Variants in ZNF493 observed in about 807,000 individuals in gnomAD.
ZNF493 encodes the protein zinc finger protein 493.
A neutral mutation model predicts 12.2 loss-of-function variants in ZNF493; 11 were observed. That is an observed-to-expected ratio of 0.90 (90% confidence interval 0.57 to 1.50). The LOEUF (loss-of-function observed/expected upper bound fraction) is 1.50, where lower values mean the gene tolerates loss of function less well. Among genes scored for constraint, ZNF493 ranks in the 40% most tolerant of loss-of-function variants. ZNF493 has a pLI of 0.00. For missense variants in ZNF493, 950 were observed against 906.6 expected, an observed-to-expected ratio of 1.05 and a Z score of -0.61; for synonymous variants, 286 against 302.6, an observed-to-expected ratio of 0.95 and a Z score of 0.57.
At chr19:21,412,330 T>C (rs2030350329) in intron 3 of ZNF493, 1 of 152,276 alleles carries the variant, frequency 6.6e-6, no homozygotes, top group Non-Finnish European at 1.5e-5. Flanking sequence ...TGCTATTGTT[T>C]ATGGTTTAAG....
intron 3 of ZNF493, among the ~76,000 whole-genome samples, chr19:21,410,958 A>G (rs1368367148): frequency 6.6e-6 from 1 of 151,872 alleles, no homozygotes; most frequent in Non-Finnish European, 1.5e-5. Flanking sequence ...ATACCCAGCT[A>G]ATTTTGTATT....
chr19:21,420,507 T>G (rs866042112), intron 3 of ZNF493, among the ~76,000 whole-genome samples: 1 of 133,716 alleles, frequency 7.5e-6, no homozygotes, highest in African/African-American at 2.8e-5. Context: ...GCCAATATAC[T>G]TCTTTAGAAT....
At position 21,424,830 on chromosome 19, in the gene ZNF493, A is replaced by G. The variant is rs1436440986; in HGVS notation, c.2171A>G (p.His724Arg). 6.2e-7 allele frequency: 1 copy of G among 1,612,692 alleles called. No homozygotes were observed. Among genetic ancestry groups the G allele is most frequent in the Admixed American group, 1.7e-5 (1 of 59,840 alleles). ...GAAGAATGTGGCAAAGCTTTTAACCATTCCTCAAACCTTATTAAACATAAG... is the reference window on the plus strand; with the variant it reads ...GAAGAATGTGGCAAAGCTTTTAACCGTTCCTCAAACCTTATTAAACATAAG... ...KCEECGKAFNHSSNLIKHKLI... is the reference protein window; with the variant it reads ...KCEECGKAFNRSSNLIKHKLI... Residue 724 changes from histidine to arginine, a missense_variant, in exon 4 of 4, where the codon CAT becomes CGT. By Grantham distance (29) the His-to-Arg change is conservative. Coordinates refer to ENST00000392288, the MANE Select transcript of ZNF493 (RefSeq NM_001076678.3).
chr19:21,405,669 T>A, intron 2 of ZNF493, 92 bp from the exon 3 acceptor site: 1 of 1,148,772 alleles, frequency 8.7e-7, no homozygotes, highest in East Asian at 2.7e-5. Context: ...TTTTCTAGAA[T>A]ATTCTATTAC....
intron 3 of ZNF493, among the ~76,000 whole-genome samples, chr19:21,406,868 A>T (rs1450636977): frequency 6.6e-6 from 1 of 152,086 alleles, no homozygotes; most frequent in African/African-American, 2.4e-5. Flanking sequence ...CTGAATCTAT[A>T]GATTACTTTG....
chr19:21,412,769 G>C, intron 3 of ZNF493: 1 of 273,598 alleles, frequency 3.7e-6, no homozygotes, highest in South Asian at 3.3e-5. Context: ...TGCTTGGGAT[G>C]CTTTAAATAT....
Position 21,405,813 on chromosome 19 carries a change from T to A in ZNF493, c.210T>A (p.Asp70Glu). The A allele has an allele frequency of 6.3e-7, 1 of 1,595,798 alleles. No homozygotes were observed. Among genetic ancestry groups the A allele is most frequent in the Non-Finnish European group, 8.5e-7 (1 of 1,171,296 alleles). The change falls in exon 3 of 4, where the codon GAT becomes GAA. Residue 70 changes from aspartate (D) to glutamate (E), a missense_variant. Coordinates refer to ENST00000392288, the MANE Select transcript of ZNF493 (RefSeq NM_001076678.3). Reference protein sequence around the residue: ...DLVTCLEQGKDPWNMKGHSTV... With the variant: ...DLVTCLEQGKEPWNMKGHSTV... Reference sequence around the variant, plus strand: ...TCACCTGTCTGGAGCAAGGAAAAGATCCCTGGAATATGAAGGGACACAGTA... The same window carrying A: ...TCACCTGTCTGGAGCAAGGAAAAGAACCCTGGAATATGAAGGGACACAGTA...
intron 3 of ZNF493, among the ~76,000 whole-genome samples, chr19:21,418,875 C>T (rs1599378166): frequency 6.6e-6 from 1 of 152,084 alleles, no homozygotes; most frequent in East Asian, 1.9e-4. Flanking sequence ...GCCAGGTGTT[C>T]CTTGCCCTCA....
chr19:21,421,210 TA>T (rs2030668297), intron 3 of ZNF493, among the ~76,000 whole-genome samples: 1 of 151,754 alleles, frequency 6.6e-6, no homozygotes, highest in African/African-American at 2.4e-5. Context: ...AGGGTTTTTT[TA>T]TATTTTTTTA....
At chr19:21,406,736 G>GTT (rs557257664) in intron 3 of ZNF493, among the ~76,000 whole-genome samples, 1 of 147,940 alleles carries the variant, frequency 6.8e-6, no homozygotes, top group Non-Finnish European at 1.5e-5. Context: ...CCTCTGCTTT[G>GTT]TTTTTTTTTC....
intron 3 of ZNF493, among the ~76,000 whole-genome samples, chr19:21,406,599 CATT>C (rs1044536078): frequency 1.3e-5 from 2 of 152,012 alleles, no homozygotes; most frequent in African/African-American, 4.8e-5. Flanking sequence ...TTTTTTGCAT[CATT>C]TCTAAAATGT....
In ZNF493 at chr19:21,424,887, G is replaced by A. The variant is rs1458129232; in HGVS notation, c.2228G>A (p.Cys743Tyr). The change falls in exon 4 of 4, where the codon TGT (cysteine) becomes TAT (tyrosine). Residue 743 changes from cysteine to tyrosine, a missense_variant. By Grantham distance (194) the Cys-to-Tyr change is radical (BLOSUM62 -2). Coordinates refer to ENST00000392288, the MANE Select transcript of ZNF493 (RefSeq NM_001076678.3). ...CATACTGGAGACAAACCCTACAAAT[G>A]TGAAGCATGTGGCAAAGCTTTTAGG... is the stretch of plus-strand genomic sequence containing the variant. The part of the protein sequence containing the change: ...LIHTGDKPYK[C>Y]EACGKAFRRS... The A allele has an allele frequency of 2.5e-6, 4 of 1,613,336 alleles. No homozygotes were observed. The highest frequency in any genetic ancestry group is 3.4e-6 in the Non-Finnish European group (4 of 1,179,594).
chr19:21,418,959 T>A (rs2030574343), intron 3 of ZNF493, among the ~76,000 whole-genome samples: 1 of 152,208 alleles, frequency 6.6e-6, no homozygotes, highest in Admixed American at 6.5e-5. Flanking sequence ...GCAGAGATTT[T>A]CTTTATGGCC....
In ZNF493 at chr19:21,405,108, GTT is replaced by G; in HGVS notation, c.31-19_31-18del. The stretch of plus-strand genomic sequence containing the variant: ...TGTAAATGTGTGTGTGTGTGTGTGT[GTT>G]TGTGTGTGTTTGTTTCAGGGGCCGT... On this transcript the variant is annotated intron_variant, in intron 1 of 3. Coordinates refer to ENST00000392288, the MANE Select transcript of ZNF493 (RefSeq NM_001076678.3). 2 of 1,608,804 alleles carry G rather than the reference GTT, an allele frequency of 1.2e-6. No individual in the cohort carries two copies. The highest frequency in any genetic ancestry group is 2.2e-5 in the East Asian group (1 of 44,746).
chr19:21,425,437 A>G lies in ZNF493; in HGVS notation c.*453A>G. The G allele has an allele frequency of 2.2e-6, 1 of 454,170 alleles. No individual in the cohort carries two copies. Among genetic ancestry groups the G allele is most frequent in the South Asian group, 2.0e-5 (1 of 50,054 alleles). The allele number at this position is 454,170 out of a possible 1,614,324, so 28.1% of individuals were successfully genotyped here. On this transcript the variant is annotated 3_prime_UTR_variant, in exon 4 of 4. Coordinates refer to ENST00000392288, the MANE Select transcript of ZNF493 (RefSeq NM_001076678.3). ...ATAATTCATAAAGGAGATAAATTATACAAATGTGAAGAATGTGGCAAAGCT... is the reference window on the plus strand; with the variant it reads ...ATAATTCATAAAGGAGATAAATTATGCAAATGTGAAGAATGTGGCAAAGCT...
rs1568383895 is a variant in ZNF493 at position 21,423,843 on chromosome 19, A to G, written c.1184A>G (p.His395Arg). The change falls in exon 4 of 4, where the codon CAT becomes CGT. Residue 395 changes from histidine to arginine, a missense_variant. Transcript: ENST00000392288. Reference sequence around the variant, plus strand: ...AGTATTTTCTCAACCCTTACTAAACATAAGATAATTCACACTGAAGAGAAA... The same window carrying G: ...AGTATTTTCTCAACCCTTACTAAACGTAAGATAATTCACACTGAAGAGAAA... ...AFSIFSTLTK[H>R]KIIHTEEKSH... 1.9e-6 allele frequency: 3 copies of G among 1,613,504 alleles called. No individual in the cohort carries two copies. The highest frequency in any genetic ancestry group is 2.5e-6 in the Non-Finnish European group (3 of 1,179,680).
intron 1 of ZNF493, among the ~76,000 whole-genome samples, chr19:21,400,316 A>G (rs35860067): frequency 0.19 from 28,790 of 151,984 alleles, 2,957 homozygotes; most frequent in Non-Finnish European, 0.24. Flanking sequence ...AGGCTGAGGC[A>G]GGAGAATGGC....
At chr19:21,397,423 G>A (rs563678887) in intron 1 of ZNF493, 156 bp downstream of exon 1, 4 of 952,360 alleles carry the variant, frequency 4.2e-6, no homozygotes, top group East Asian at 4.9e-5. Flanking sequence ...TCCTTCAGCC[G>A]TAAGTTGGCG....
chr19:21,419,943 C>A (rs1214919501), intron 3 of ZNF493, among the ~76,000 whole-genome samples: 1 of 152,110 alleles, frequency 6.6e-6, no homozygotes, highest in Non-Finnish European at 1.5e-5. Flanking sequence ...TGATTCTGAC[C>A]CACTCTTGAC....
Sources: gnomAD v4.1 joint callset for allele counts (sites outside exome capture counted in the v4.1 genomes callset) on GRCh38, gnomAD v4.1.1 for gene constraint, MANE v1.5 for transcripts, NCBI Gene and HGNC (gene_info 2026-07-23, HGNC 2026-07-21) for gene names.